CHEK1: variants seen among roughly 807,000 people sequenced by gnomAD.
The protein encoded by CHEK1 is checkpoint kinase 1.
In CHEK1, 32 loss-of-function variants were observed where a neutral mutation model predicts 60.2. The observed-to-expected ratio is 0.53, with a 90% confidence interval of 0.40 to 0.71. The LOEUF (loss-of-function observed/expected upper bound fraction) is 0.71. CHEK1 is among the 30% of genes least tolerant of loss of function. The pLI, the probability that CHEK1 is intolerant of heterozygous loss-of-function variation, is 0.00. For missense variants in CHEK1, 399 were observed against 564.6 expected, an observed-to-expected ratio of 0.71 and a Z score of 2.97; for synonymous variants, 179 against 187.2, an observed-to-expected ratio of 0.96 and a Z score of 0.36.
At chr11:125,648,391 G>A (rs1239435855) in intron 11 of CHEK1, among the ~76,000 whole-genome samples, 1 of 151,964 alleles carries the variant, frequency 6.6e-6, no homozygotes, top group Non-Finnish European at 1.5e-5. Context: ...GACCTGCCTG[G>A]CCCACATAGT....
intron 13 of CHEK1, among the ~76,000 whole-genome samples, chr11:125,668,841 G>A (rs897638704): frequency 2.0e-5 from 3 of 152,126 alleles, no homozygotes; most frequent in Admixed American, 1.3e-4. Context: ...ACAGGTATAA[G>A]CCACCGTCCC....
At chr11:125,664,642 G>C (rs1318755751) in intron 13 of CHEK1, among the ~76,000 whole-genome samples, 1 of 151,982 alleles carries the variant, frequency 6.6e-6, no homozygotes, top group Non-Finnish European at 1.5e-5. Context: ...ATTTGCTATT[G>C]AGCTGTCTGA....
At chr11:125,640,964 A>G (rs1941280959) in intron 8 of CHEK1, among the ~76,000 whole-genome samples, 2 of 152,128 alleles carry the variant, frequency 1.3e-5, no homozygotes, top group Non-Finnish European at 2.9e-5. Flanking sequence ...TGAGTAGCAT[A>G]ATAAAATCTT....
chr11:125,642,034 GTTC>G (rs3731441), intron 8 of CHEK1, among the ~76,000 whole-genome samples: 7,157 of 152,058 alleles, frequency 0.047, 209 homozygotes, highest in Middle Eastern at 0.088. Context: ...TCATATTGTT[GTTC>G]TTCTTATTGT....
Position 125,643,931 on chromosome 11 carries a change from A to T in CHEK1, c.923+31A>T, listed in dbSNP as rs368391498. ...ACTGATAAAGATTGAGTAGTTTTTG[A>T]TTGTAGTATTCCCCATGAAGAATAA... is the stretch of plus-strand genomic sequence containing the variant. On this transcript the variant is annotated intron_variant, in intron 9 of 12. Transcript: ENST00000438015. 12 of 1,578,542 alleles carry T rather than the reference A, an allele frequency of 7.6e-6. No homozygotes were observed. In the African/African-American group the frequency reaches 1.2e-4, roughly 16 times the overall value.
chr11:125,678,147 T>C (rs1193653504), downstream of CHEK1: 5 of 1,614,082 alleles, frequency 3.1e-6, no homozygotes, highest in Non-Finnish European at 4.2e-6. Flanking sequence ...ACTGGAACCA[T>C]GCTCACTTAA....
chr11:125,652,074 G>A (rs1227914056), intron 11 of CHEK1, among the ~76,000 whole-genome samples: 2 of 152,170 alleles, frequency 1.3e-5, no homozygotes, highest in Non-Finnish European at 2.9e-5. Context: ...CTGCACAGTC[G>A]TGGTATGGTT....
chr11:125,676,659 C>G (rs187789758), downstream of CHEK1, among the ~76,000 whole-genome samples: 22 of 152,132 alleles, frequency 1.4e-4, no homozygotes, highest in African/African-American at 5.3e-4. Context: ...TTCCTTCATT[C>G]TTCTTCATCT....
downstream of CHEK1, chr11:125,680,933 G>T (rs1168006998): frequency 3.1e-6 from 2 of 652,384 alleles, no homozygotes; most frequent in Non-Finnish European, 5.3e-6. Context: ...CAATGGGTTG[G>T]GCTCTGAGGT....
chr11:125,663,047 G>A (rs903251037), intron 13 of CHEK1, among the ~76,000 whole-genome samples: 18 of 150,554 alleles, frequency 1.2e-4, no homozygotes, highest in Non-Finnish European at 2.4e-4. Context: ...TCTTTTGTTC[G>A]TGTTCCAATT....
chr11:125,664,303 A>G (rs1942062408), intron 13 of CHEK1, among the ~76,000 whole-genome samples: 1 of 145,414 alleles, frequency 6.9e-6, no homozygotes, highest in African/African-American at 2.6e-5. Flanking sequence ...GTGCGATCTC[A>G]GCTCACTGCA....
intron 13 of CHEK1, among the ~76,000 whole-genome samples, chr11:125,675,108 C>T (rs1591436419): frequency 6.6e-6 from 1 of 152,196 alleles, no homozygotes. Flanking sequence ...TCCCAGAGAT[C>T]CTGGTTTAAT....
In CHEK1 at chr11:125,644,086, C is replaced by T. The variant is rs570457863; in HGVS notation, c.924-5C>T. ...TGTATGTTTCTTTCTGTCTTAATGC[C>T]TCAGTGAAGAAAATGTGAAGTACTC... On this transcript the variant is annotated splice_region_variant and splice_polypyrimidine_tract_variant and intron_variant, in intron 9 of 12. Coordinates refer to ENST00000438015, the MANE Select transcript of CHEK1 (RefSeq NM_001114122.3). The T allele has an allele frequency of 7.5e-6, 12 of 1,607,624 alleles. No homozygotes were observed. In the South Asian group the frequency reaches 1.1e-4, roughly 15 times the overall value.
At chr11:125,652,505 G>C (rs1444705219) in intron 11 of CHEK1, among the ~76,000 whole-genome samples, 2 of 151,926 alleles carry the variant, frequency 1.3e-5, no homozygotes, top group African/African-American at 4.8e-5. Context: ...TTCTTTCAGT[G>C]GTATTTTGGT....
intron 11 of CHEK1, chr11:125,649,982 C>G (rs1941650338): frequency 6.6e-6 from 1 of 152,116 alleles, no homozygotes; most frequent in African/African-American, 2.4e-5. Context: ...CGTTGCTGCT[C>G]TCTTGCTGCT....
intron 12 of CHEK1, 121 bp from the exon 13 acceptor site, chr11:125,655,104 G>A: frequency 1.5e-6 from 1 of 668,328 alleles, no homozygotes; most frequent in South Asian, 2.0e-5. Context: ...AAAGAAAATG[G>A]TAGCTAGACA....
downstream of CHEK1, chr11:125,677,944 C>T: frequency 2.5e-6 from 4 of 1,612,486 alleles, no homozygotes; most frequent in Non-Finnish European, 3.4e-6. Context: ...GGCTGTTCAC[C>T]TGACTCAAGC....
chr11:125,673,750 C>G (rs886532131), intron 13 of CHEK1, among the ~76,000 whole-genome samples: 10 of 152,198 alleles, frequency 6.6e-5, no homozygotes, highest in South Asian at 4.1e-4. Context: ...CTGTACCACA[C>G]CTTCAAAACC....
intron 13 of CHEK1, among the ~76,000 whole-genome samples, chr11:125,669,522 C>CTTTTTTTTTTTT (rs67333022): frequency 7.8e-5 from 9 of 114,684 alleles, no homozygotes; most frequent in Non-Finnish European, 1.4e-4. Context: ...TTCTTTTTTC[C>CTTTTTTTTTTTT]TTTTTTTTTT....
Sources: allele counts gnomAD v4.1 joint callset (sites outside exome capture counted in the v4.1 genomes callset), GRCh38; gene constraint gnomAD v4.1.1; transcripts MANE v1.5; gene names NCBI Gene and HGNC (gene_info 2026-07-23, HGNC 2026-07-21).